LARP6: variants seen among roughly 807,000 people sequenced by gnomAD.
The protein encoded by LARP6 is la-related protein 6.
A neutral mutation model predicts 32.8 loss-of-function variants in LARP6; 18 were observed. The observed-to-expected ratio is 0.55, with a 90% CI of 0.38 to 0.81. The LOEUF is 0.81. Ranked by LOEUF, LARP6 falls within the 40% of genes least tolerant of loss-of-function variation. LARP6 has a pLI of 0.00. For synonymous variants in LARP6, 289 were observed against 267.2 expected (o/e 1.08, Z -0.80); for missense variants, 598 against 663.1 (o/e 0.90, Z 1.08).
chr15:70,846,621 A>ATACATAC (rs1555423154), intron 1 of LARP6, among the ~76,000 whole-genome samples: 63 of 148,880 alleles, frequency 4.2e-4, no homozygotes, highest in African/African-American at 1.2e-3. Context: ...AAAATAAATA[A>ATACATAC]ATACATACAT....
intron 1 of LARP6, chr15:70,852,034 G>A (rs984772945): frequency 5.1e-6 from 2 of 393,320 alleles, no homozygotes; most frequent in Non-Finnish European, 9.8e-6. Context: ...TGATGTGAGT[G>A]GGTGTCACAT....
intron 2 of LARP6, 42 bp from the exon 3 acceptor site, chr15:70,833,158 T>G: frequency 6.6e-7 from 1 of 1,526,500 alleles, no homozygotes; most frequent in Non-Finnish European, 9.1e-7. Context: ...TCTAATGTCC[T>G]TGTCCATCCT....
intron 2 of LARP6, among the ~76,000 whole-genome samples, chr15:70,834,275 G>C (rs1251924383): frequency 2.6e-5 from 4 of 152,226 alleles, no homozygotes; most frequent in Non-Finnish European, 5.9e-5. Flanking sequence ...ACTGTAGCCT[G>C]TGGTCTCTGG....
rs144329468 is a variant in LARP6 at position 70,832,467 on chromosome 15, C to T, written c.1061G>A (p.Arg354Gln). ...GCTGAGCTTGTTGGTGGCCGCGTGCCGTCGGCCCGCCATAGGGGATGTGGG... is the reference window on the plus strand; with the variant it reads ...GCTGAGCTTGTTGGTGGCCGCGTGCTGTCGGCCCGCCATAGGGGATGTGGG... ...SNPTSPMAGR[R>Q]HAATNKLSPS... The change falls in exon 3 of 3, where the codon CGG becomes CAG. Residue 354 changes from arginine (R) to glutamine (Q), a missense_variant. Physicochemically the swap from Arg to Gln is conservative, Grantham distance 43. This residue lies in a region of LARP6 where 368 missense variants were observed against 397.9 expected (regional missense o/e 0.92). Coordinates refer to ENST00000299213, the MANE Select transcript of LARP6 (RefSeq NM_018357.4). The T allele has an allele frequency of 4.8e-5, 75 of 1,549,264 alleles. No homozygotes were observed. In the African/African-American group the frequency reaches 9.8e-4, roughly 20 times the overall value.
chr15:70,836,598 G>A, intron 1 of LARP6, 93 bp from the exon 2 acceptor site: 1 of 958,700 alleles, frequency 1.0e-6, no homozygotes, highest in Admixed American at 1.9e-5. Context: ...CCAATACCTT[G>A]GAGTATGATG....
intron 1 of LARP6, among the ~76,000 whole-genome samples, chr15:70,841,566 T>C (rs1438302066): frequency 2.0e-5 from 3 of 152,200 alleles, no homozygotes; most frequent in South Asian, 2.1e-4. Flanking sequence ...TGGGAGGTGA[T>C]TGAATCATGG....
chr15:70,840,532 C>T (rs893952307), intron 1 of LARP6, among the ~76,000 whole-genome samples: 1 of 152,136 alleles, frequency 6.6e-6, no homozygotes, highest in Non-Finnish European at 1.5e-5. Context: ...AAGAGCGAAA[C>T]TCCGTCTCAA....
chr15:70,852,961 C>T (rs900569145), intron 1 of LARP6, among the ~76,000 whole-genome samples: 1 of 152,346 alleles, frequency 6.6e-6, no homozygotes, highest in African/African-American at 2.4e-5. Context: ...ACGCCTGGGA[C>T]AGGGTCCTAG....
chr15:70,853,848 C>T (rs1205974176), intron 1 of LARP6, 41 bp downstream of exon 1: 10 of 1,215,588 alleles, frequency 8.2e-6, no homozygotes, highest in African/African-American at 3.2e-5. Flanking sequence ...CGGCCCGGCG[C>T]CCCCTCGGGG....
chr15:70,851,974 G>C, intron 1 of LARP6: 1 of 498,456 alleles, frequency 2.0e-6, no homozygotes, highest in Non-Finnish European at 3.6e-6. Flanking sequence ...GGAATCACGG[G>C]AGCGTGAACT....
chr15:70,852,598 CTG>C (rs1375355589), intron 1 of LARP6, among the ~76,000 whole-genome samples: 2 of 152,144 alleles, frequency 1.3e-5, no homozygotes, highest in African/African-American at 4.8e-5. Context: ...CTTCTCGAGA[CTG>C]TGAGCTGTCA....
chr15:70,847,747 T>C (rs1244595240), intron 1 of LARP6, among the ~76,000 whole-genome samples: 1 of 152,018 alleles, frequency 6.6e-6, no homozygotes, highest in Non-Finnish European at 1.5e-5. Context: ...GTTACACTGA[T>C]TGCGCAGTTA....
At position 70,853,966 on chromosome 15, in the gene LARP6, C is replaced by A; in HGVS notation, c.123G>T (p.Arg41=). 6.9e-7 allele frequency: 1 copy of A among 1,458,734 alleles called. No homozygotes were observed. Among genetic ancestry groups the A allele is most frequent in the Non-Finnish European group, 9.1e-7 (1 of 1,100,416 alleles). 90.4% of individuals were successfully genotyped at this position (1,458,734 alleles called of 1,614,324 possible). ...GGTACCGGGCCGGGTCCCCGGCGCC[C>A]CGAGTCTCCGCCCCCTCCTCCTCGT... ...LEDEEEGAET[R]GAGDPARYLS... Residue 41 remains arginine, a synonymous_variant, in exon 1 of 3, where the codon CGG becomes CGT. Transcript: ENST00000299213.
In LARP6 at chr15:70,832,039, A is replaced by C. The variant is rs1208974821; in HGVS notation, c.*13T>G. On this transcript the variant is annotated 3_prime_UTR_variant, in exon 3 of 3. Coordinates refer to ENST00000299213, the MANE Select transcript of LARP6 (RefSeq NM_018357.4). ...TGGTTTTCAGTGGAGCTTGTATTAA[A>C]AATAGAAGGTATTTATACACAGGCC... The C allele has an allele frequency of 6.9e-7, 1 of 1,459,664 alleles. No homozygotes were observed. The highest frequency in any genetic ancestry group is 9.1e-7 in the Non-Finnish European group (1 of 1,099,470). The allele number at this position is 1,459,664 out of a possible 1,614,324, so 90.4% of individuals were successfully genotyped here.
chr15:70,829,918 G>A lies in LARP6; in HGVS notation c.*2134C>T, dbSNP rs12900022. The A allele has an allele frequency of 0.37, 56,589 of 152,378 alleles. 12,868 individuals carry two copies. Among genetic ancestry groups the A allele is most frequent in the Admixed American group, 0.59 (9,077 of 15,292 alleles). The allele number at this position is 152,378 out of a possible 1,614,324, so 9.4% of individuals were successfully genotyped here. Reference sequence around the variant, plus strand: ...GTAACAGGCATAATAGGGTGGAACAGCCTTGAATGTCACAGGCCAAGAAGA... The same window carrying A: ...GTAACAGGCATAATAGGGTGGAACAACCTTGAATGTCACAGGCCAAGAAGA... On this transcript the variant is annotated 3_prime_UTR_variant, in exon 3 of 3. Coordinates refer to ENST00000299213, the MANE Select transcript of LARP6 (RefSeq NM_018357.4).
intron 1 of LARP6, among the ~76,000 whole-genome samples, chr15:70,841,824 C>A (rs2032264560): frequency 6.6e-6 from 1 of 152,162 alleles, no homozygotes; most frequent in East Asian, 1.9e-4. Flanking sequence ...ATACAGCCTG[C>A]AGAGCCAAGA....
In LARP6 at chr15:70,836,289, C is replaced by A. The variant is rs2032144908; in HGVS notation, c.411+6G>T. ...CTTGAAGCAGCTTCTGAGAACCAAGCCTCACCTTTTTGAAGGATGTGAGTA... is the reference window on the plus strand; with the variant it reads ...CTTGAAGCAGCTTCTGAGAACCAAGACTCACCTTTTTGAAGGATGTGAGTA... On this transcript the variant is annotated splice_donor_region_variant and intron_variant, in intron 2 of 2. Coordinates refer to ENST00000299213, the MANE Select transcript of LARP6 (RefSeq NM_018357.4). 1 of 1,613,030 alleles carries A rather than the reference C, an allele frequency of 6.2e-7. No homozygotes were observed. Among genetic ancestry groups the A allele is most frequent in the African/African-American group, 1.3e-5 (1 of 74,920 alleles).
At position 70,832,062 on chromosome 15, in the gene LARP6, GC is replaced by G; in HGVS notation, c.1465del (p.Ala489ProfsTer37). The G allele has an allele frequency of 1.3e-6, 2 of 1,519,382 alleles. No individual in the cohort carries two copies. The highest frequency in any genetic ancestry group is 8.8e-7 in the Non-Finnish European group (1 of 1,134,224). The allele number at this position is 1,519,382 out of a possible 1,614,324, so 94.1% of individuals were successfully genotyped here. On this transcript the variant is annotated frameshift_variant, in exon 3 of 3. Coordinates refer to ENST00000299213, the MANE Select transcript of LARP6 (RefSeq NM_018357.4). LOFTEE classifies it high-confidence loss of function. ...AAAAATAGAAGGTATTTATACACAG[GC>G]CCTGCTCCTCTCATGGCCATGAAAT... Reference protein sequence around the residue: ...RGFHGHERSRACV With the variant: ...RGFHGHERSRXCV
chr15:70,840,265 C>T (rs1031154671), intron 1 of LARP6, among the ~76,000 whole-genome samples: 1 of 152,110 alleles, frequency 6.6e-6, no homozygotes, highest in African/African-American at 2.4e-5. Flanking sequence ...TGAGGCCGGG[C>T]GCGGTGGCTC....
Sources: gnomAD v4.1 joint callset for allele counts (sites outside exome capture counted in the v4.1 genomes callset) on GRCh38, gnomAD v4.1.1 for gene constraint, gnomAD v4.1.1 regional missense constraint, MANE v1.5 for transcripts, NCBI Gene and HGNC (gene_info 2026-07-23, HGNC 2026-07-21) for gene names.